Variants in STOX2 observed in about 807,000 individuals in gnomAD.
STOX2 encodes storkhead box 2.
STOX2 carries 28 observed loss-of-function variants against 60.9 expected under a neutral mutation model. The ratio of observed to expected loss-of-function variants is 0.46; its 90% CI spans 0.34 to 0.63. STOX2 has a LOEUF of 0.63. STOX2 is among the 30% of genes least tolerant of loss of function. STOX2 has a pLI of 0.01. For synonymous variants in STOX2, 472 were observed against 463.9 expected (o/e 1.02, Z -0.22); for missense variants, 1,024 against 1,187.7 (o/e 0.86, Z 2.03).
At chr4:183,969,437 T>A (rs147616400) in intron 1 of STOX2, among the ~76,000 whole-genome samples, 103 of 152,308 alleles carry the variant, frequency 6.8e-4, no homozygotes, top group African/African-American at 2.3e-3. Context: ...TATTTAAAAT[T>A]ATTTTTTAAA....
At chr4:183,895,397 G>A (rs1741319007) in intron 1 of STOX2, among the ~76,000 whole-genome samples, 2 of 152,182 alleles carry the variant, frequency 1.3e-5, no homozygotes, top group African/African-American at 2.4e-5. Context: ...TAGCACTGAA[G>A]AGGGCCTAAA....
intron 1 of STOX2, among the ~76,000 whole-genome samples, chr4:183,798,456 G>A (rs1738683190): frequency 6.6e-6 from 1 of 151,906 alleles, no homozygotes; most frequent in Non-Finnish European, 1.5e-5. Context: ...GGGCGGGGAG[G>A]ATTCCGGGGC....
chr4:183,870,624 T>G (rs1002048648), intron 1 of STOX2, among the ~76,000 whole-genome samples: 1 of 152,228 alleles, frequency 6.6e-6, no homozygotes, highest in African/African-American at 2.4e-5. Flanking sequence ...ATATTTATTA[T>G]AAGAATGAGA....
At chr4:183,955,096 A>G (rs973259210) in intron 1 of STOX2, among the ~76,000 whole-genome samples, 1 of 152,180 alleles carries the variant, frequency 6.6e-6, no homozygotes, top group African/African-American at 2.4e-5. Context: ...ATGTGCTTGT[A>G]ATGCTTTATC....
At chr4:183,903,835 T>C (rs1485629542), upstream of STOX2, among the ~76,000 whole-genome samples, 1 of 152,226 alleles carries the variant, frequency 6.6e-6, no homozygotes, top group African/African-American at 2.4e-5. Flanking sequence ...CAGTTGTTCC[T>C]TGGACTGGGG....
chr4:183,799,243 A>G (rs563750185), intron 1 of STOX2, among the ~76,000 whole-genome samples: 43 of 152,336 alleles, frequency 2.8e-4, no homozygotes, highest in African/African-American at 9.9e-4. Flanking sequence ...TAAAGCTTGC[A>G]TCTTGTGTAT....
Position 183,856,582 on chromosome 4 carries a change from G to A in STOX2, c.364+58527G>A, listed in dbSNP as rs537683174. On this transcript the variant is annotated intron_variant, in intron 1 of 2. Transcript: ENST00000513034. The surrounding 1 kb of genome is among the most constrained non-coding windows in gnomAD (Gnocchi z 4.0). The stretch of plus-strand genomic sequence containing the variant: ...TGTCTAAAAGCCGTCCCTGCTCTCA[G>A]CCACCTGCCCCTGGCTGACTGCAGC... 6.6e-6 allele frequency among the ~76,000 whole-genome samples: 1 copy of A among 152,282 alleles called. No individual in the cohort carries two copies. Among genetic ancestry groups the A allele is most frequent in the Admixed American group, 6.5e-5 (1 of 15,296 alleles).
At chr4:184,013,071 C>T (rs1030624332) in intron 3 of STOX2, among the ~76,000 whole-genome samples, 1 of 152,164 alleles carries the variant, frequency 6.6e-6, no homozygotes, top group Non-Finnish European at 1.5e-5. Flanking sequence ...CTGCCTCCTA[C>T]CTGCTTTTCA....
Position 184,001,699 on chromosome 4 carries a change from G to T in STOX2, c.319+222G>T, listed in dbSNP as rs888306831. Among the ~76,000 whole-genome samples, 1 of 151,998 alleles carries T rather than the reference G, an allele frequency of 6.6e-6. No individual in the cohort carries two copies. Among genetic ancestry groups the T allele is most frequent in the Non-Finnish European group, 1.5e-5 (1 of 68,008 alleles). The stretch of plus-strand genomic sequence containing the variant: ...CTGTAATACTTTTTAAATTGGCACC[G>T]AGAGGAAGAAATTAATTCAGAATCC... On this transcript the variant is annotated intron_variant, in intron 2 of 3. Coordinates refer to ENST00000308497, the MANE Select transcript of STOX2 (RefSeq NM_020225.3). The surrounding 1 kb of genome is among the most constrained non-coding windows in gnomAD (Gnocchi z 4.2).
chr4:183,837,418 A>T (rs959451202), intron 1 of STOX2, among the ~76,000 whole-genome samples: 3 of 150,920 alleles, frequency 2.0e-5, no homozygotes, highest in Admixed American at 6.6e-5. Context: ...GTCCTTCTGT[A>T]TCTGGCTTAT....
rs539790185 is a variant in STOX2, at chr4:183,925,054, CT to C, written c.166+18101del. Among the ~76,000 whole-genome samples the C allele has an allele frequency of 6.2e-4, 94 of 152,262 alleles. No individual in the cohort carries two copies. In the Middle Eastern group the frequency reaches 0.014, roughly 22 times the overall value. ...ATTTGGATTTTTCTAGGTTTTAACA[CT>C]TTGCCAAGTAGAAGGATCTAGAGTA... On this transcript the variant is annotated intron_variant, in intron 1 of 3. Coordinates refer to ENST00000308497, the MANE Select transcript of STOX2 (RefSeq NM_020225.3).
At chr4:183,960,810 G>C (rs1343568999) in intron 1 of STOX2, among the ~76,000 whole-genome samples, 1 of 152,124 alleles carries the variant, frequency 6.6e-6, no homozygotes, top group Non-Finnish European at 1.5e-5. Context: ...TGATATTATA[G>C]TCTTTCATTA....
At chr4:183,959,181 T>C (rs1224797243) in intron 1 of STOX2, among the ~76,000 whole-genome samples, 3 of 152,240 alleles carry the variant, frequency 2.0e-5, no homozygotes, top group African/African-American at 7.2e-5. Context: ...TCTGCTTATT[T>C]ACAATGAACA....
At chr4:183,807,960 C>T (rs1738947045) in intron 1 of STOX2, among the ~76,000 whole-genome samples, 1 of 152,244 alleles carries the variant, frequency 6.6e-6, no homozygotes, top group African/African-American at 2.4e-5. Flanking sequence ...GCGGGCTGAG[C>T]TCTCCCAGCC....
intron 1 of STOX2, among the ~76,000 whole-genome samples, chr4:183,972,055 G>T (rs990415163): frequency 2.6e-5 from 4 of 152,204 alleles, no homozygotes; most frequent in Admixed American, 6.5e-5. Flanking sequence ...AGGGAGTGCT[G>T]ACTTCATAGT....
At position 183,906,555 on chromosome 4, in the gene STOX2, A is replaced by C; in HGVS notation, c.-236A>C. 1 of 329,492 alleles carries C rather than the reference A, an allele frequency of 3.0e-6. No individual in the cohort carries two copies. Among genetic ancestry groups the C allele is most frequent in the Admixed American group, 4.8e-5 (1 of 20,756 alleles). The allele number at this position is 329,492 out of a possible 1,614,324, so 20.4% of individuals were successfully genotyped here. A position where few individuals can be genotyped will look rare whatever the true frequency, so the allele number is the denominator to read the frequency against. ...GGAAGCTATAAGCCGGGCGGATTGCAAATGAAGTGTAATGCATTGTGGGAC... is the reference window on the plus strand; with the variant it reads ...GGAAGCTATAAGCCGGGCGGATTGCCAATGAAGTGTAATGCATTGTGGGAC... On this transcript the variant is annotated 5_prime_UTR_variant, in exon 1 of 4. Transcript: ENST00000308497.
intron 1 of STOX2, among the ~76,000 whole-genome samples, chr4:183,931,408 A>G (rs1742418875): frequency 6.6e-6 from 1 of 152,150 alleles, no homozygotes; most frequent in Non-Finnish European, 1.5e-5. Context: ...TGGGCGACAG[A>G]GTAAGACTTC....
chr4:183,955,692 G>C (rs565451664), intron 1 of STOX2, among the ~76,000 whole-genome samples: 1 of 152,100 alleles, frequency 6.6e-6, no homozygotes, highest in Non-Finnish European at 1.5e-5. Context: ...TAGCTTCCTG[G>C]GAATATTAAT....
intron 2 of STOX2, among the ~76,000 whole-genome samples, chr4:184,003,947 G>A (rs1433145571): frequency 1.0e-5 from 1 of 100,174 alleles, no homozygotes; most frequent in Non-Finnish European, 2.1e-5. Context: ...TCCTTCCTTT[G>A]ATTTTTTTTT....
Sources: gnomAD v4.1 joint callset for allele counts (sites outside exome capture counted in the v4.1 genomes callset) on GRCh38, gnomAD v4.1.1 for gene constraint, Gnocchi (gnomAD v3.1) non-coding constraint, MANE v1.5 for transcripts, NCBI Gene and HGNC (gene_info 2026-07-23, HGNC 2026-07-21) for gene names.